Variants in POT1 observed in about 807,000 individuals in gnomAD.
POT1 encodes the protein protection of telomeres protein 1.
In POT1, 47 loss-of-function variants were observed where a neutral mutation model predicts 78.5. That is an observed-to-expected ratio of 0.60 (90% CI 0.47 to 0.76). POT1 has a LOEUF of 0.76. Ranked by LOEUF, POT1 falls within the 30% of genes least tolerant of loss-of-function variation. POT1 has a pLI of 0.00. For missense variants in POT1, 646 were observed against 749.9 expected (o/e 0.86, Z 1.62); for synonymous variants, 259 against 260.7 (o/e 0.99, Z 0.06).
chr7:124,894,569 T>C (rs957353583), intron 5 of POT1, among the ~76,000 whole-genome samples: 2 of 151,648 alleles, frequency 1.3e-5, no homozygotes, highest in African/African-American at 4.8e-5. Context: ...TAAATTGATA[T>C]TTTTTGCTTC....
chr7:124,830,150 T>C (rs1045835174), intron 15 of POT1, among the ~76,000 whole-genome samples: 2 of 152,224 alleles, frequency 1.3e-5, no homozygotes, highest in African/African-American at 4.8e-5. Flanking sequence ...CCTAATTCCA[T>C]AGTTAACTTT....
intron 6 of POT1, among the ~76,000 whole-genome samples, chr7:124,887,026 C>T (rs1278916321): frequency 1.2e-4 from 18 of 152,008 alleles, no homozygotes; most frequent in Admixed American, 1.2e-3. Context: ...CAATTAAATT[C>T]AACCAGGTAA....
intron 18 of POT1, among the ~76,000 whole-genome samples, chr7:124,824,902 A>G (rs1361257128): frequency 6.6e-6 from 1 of 152,170 alleles, no homozygotes; most frequent in Non-Finnish European, 1.5e-5. Flanking sequence ...AAATTGGATA[A>G]TTGGAGTTTG....
intron 6 of POT1, among the ~76,000 whole-genome samples, chr7:124,880,001 G>A (rs1312119895): frequency 1.3e-5 from 2 of 151,944 alleles, no homozygotes; most frequent in African/African-American, 4.8e-5. Flanking sequence ...TATTAACTTT[G>A]CAGCTGGATT....
chr7:124,838,308 C>T (rs142102152), intron 14 of POT1, among the ~76,000 whole-genome samples: 30 of 151,608 alleles, frequency 2.0e-4, no homozygotes, highest in African/African-American at 7.0e-4. Context: ...ATTATAGCAA[C>T]GGTAGAGGAT....
intron 2 of POT1, among the ~76,000 whole-genome samples, chr7:124,924,501 G>T (rs770944451): frequency 1.7e-5 from 2 of 115,168 alleles, no homozygotes; most frequent in Non-Finnish European, 3.8e-5. Flanking sequence ...CCCAATAAAA[G>T]AAAGTCCAGG....
chr7:124,916,072 C>T (rs1021479866), intron 2 of POT1, among the ~76,000 whole-genome samples: 6 of 152,050 alleles, frequency 3.9e-5, no homozygotes, highest in Non-Finnish European at 7.4e-5. Context: ...CAGATTAAGA[C>T]ACAAGTACAG....
intron 3 of POT1, among the ~76,000 whole-genome samples, chr7:124,907,317 T>C (rs1298918783): frequency 6.6e-6 from 1 of 152,098 alleles, no homozygotes; most frequent in Non-Finnish European, 1.5e-5. Flanking sequence ...CCCTGTTTAG[T>C]ATAGCCAAAT....
At chr7:124,899,066 G>A (rs1796559387) in intron 3 of POT1, among the ~76,000 whole-genome samples, 1 of 152,052 alleles carries the variant, frequency 6.6e-6, no homozygotes, top group Admixed American at 6.6e-5. Flanking sequence ...TGGGCTTTTG[G>A]TCATCTTCCT....
intron 2 of POT1, among the ~76,000 whole-genome samples, chr7:124,922,162 G>A (rs1797168385): frequency 6.6e-6 from 1 of 151,804 alleles, no homozygotes; most frequent in African/African-American, 2.4e-5. Context: ...ATATATCCTT[G>A]AAAACAAACA....
intron 2 of POT1, among the ~76,000 whole-genome samples, chr7:124,919,200 AAAC>A (rs1797087992): frequency 6.6e-6 from 1 of 152,284 alleles, no homozygotes; most frequent in Admixed American, 6.5e-5. Flanking sequence ...GTATGTATCT[AAAC>A]ATATAAAAAC....
At chr7:124,883,552 G>T (rs764747984) in intron 6 of POT1, among the ~76,000 whole-genome samples, 1 of 151,768 alleles carries the variant, frequency 6.6e-6, no homozygotes, top group African/African-American at 2.4e-5. Context: ...TATTTTATGC[G>T]CCATACATTA....
intron 15 of POT1, among the ~76,000 whole-genome samples, chr7:124,829,905 C>A (rs538445209): frequency 6.6e-6 from 1 of 152,030 alleles, no homozygotes; most frequent in Non-Finnish European, 1.5e-5. Context: ...TGCCACAATG[C>A]CCAGGCTGGT....
At chr7:124,921,128 A>T (rs1797138779) in intron 2 of POT1, among the ~76,000 whole-genome samples, 1 of 152,088 alleles carries the variant, frequency 6.6e-6, no homozygotes, top group Admixed American at 6.6e-5. Flanking sequence ...GTTGAAACTT[A>T]AAAAAATATT....
rs1795853989 is a variant in POT1 at position 124,870,985 on chromosome 7, G to A, written c.181C>T (p.Leu61Phe). 1 of 1,610,190 alleles carries A rather than the reference G, an allele frequency of 6.2e-7. No homozygotes were observed. Among genetic ancestry groups the A allele is most frequent in the Non-Finnish European group, 8.5e-7 (1 of 1,177,552 alleles). The change falls in exon 7 of 19, where the codon CTC becomes TTC. Residue 61 changes from leucine to phenylalanine, a missense_variant. Coordinates refer to ENST00000357628, the MANE Select transcript of POT1 (RefSeq NM_015450.3). ...AGGGCTTCATAGTTTCCACTAAAGAGCAGGCAAGTTAGTTTTACATTTGTC... is the reference window on the plus strand; with the variant it reads ...AGGGCTTCATAGTTTCCACTAAAGAACAGGCAAGTTAGTTTTACATTTGTC... ...DQTNVKLTCL[L>F]FSGNYEALPI...
Position 124,822,414 on chromosome 7 carries a change from C to A in POT1, c.*1548G>T. 6.2e-6 allele frequency: 2 copies of A among 322,604 alleles called. No homozygotes were observed. Among genetic ancestry groups the A allele is most frequent in the South Asian group, 2.4e-5 (1 of 41,076 alleles). The allele number at this position is 322,604 out of a possible 1,614,324, so 20.0% of individuals were successfully genotyped here. A position where few individuals can be genotyped will look rare whatever the true frequency, so the allele number is the denominator to read the frequency against. On this transcript the variant is annotated 3_prime_UTR_variant, in exon 19 of 19. Coordinates refer to ENST00000357628, the MANE Select transcript of POT1 (RefSeq NM_015450.3). Reference sequence around the variant, plus strand: ...TGATAAGGTGGATGTTTATTTAAAACAAAAATAAGAAGAGACATGGCCTAT... The same window carrying A: ...TGATAAGGTGGATGTTTATTTAAAAAAAAAATAAGAAGAGACATGGCCTAT...
At chr7:124,888,265 T>C (rs1796292242) in intron 6 of POT1, among the ~76,000 whole-genome samples, 1 of 152,088 alleles carries the variant, frequency 6.6e-6, no homozygotes, top group African/African-American at 2.4e-5. Flanking sequence ...CGAAAATCAG[T>C]TGACCATAAT....
chr7:124,903,475 AT>A (rs1438937219), intron 3 of POT1, among the ~76,000 whole-genome samples: 2 of 152,318 alleles, frequency 1.3e-5, no homozygotes, highest in East Asian at 3.9e-4. Flanking sequence ...TTTGAAACCA[AT>A]GAGAACAAAG....
intron 7 of POT1, among the ~76,000 whole-genome samples, chr7:124,868,540 T>C (rs1245965384): frequency 6.6e-6 from 1 of 151,860 alleles, no homozygotes; most frequent in Non-Finnish European, 1.5e-5. Flanking sequence ...GACCATATGT[T>C]AGAATATAAA....
Sources: allele counts gnomAD v4.1 joint callset (sites outside exome capture counted in the v4.1 genomes callset), GRCh38; gene constraint gnomAD v4.1.1; transcripts MANE v1.5; gene names NCBI Gene and HGNC (gene_info 2026-07-23, HGNC 2026-07-21).